VTI1A: variants seen among roughly 807,000 people sequenced by gnomAD.
The protein encoded by VTI1A is vesicle transport through interaction with t-SNAREs homolog 1A.
In VTI1A, 22 loss-of-function variants were observed where a neutral mutation model predicts 34.9. The observed-to-expected ratio is 0.63, with a 90% confidence interval of 0.45 to 0.90. The LOEUF (loss-of-function observed/expected upper bound fraction) is 0.90. VTI1A is among the 40% of genes least tolerant of loss of function. The pLI is 0.00. For synonymous variants in VTI1A, 87 were observed against 97.3 expected, an observed-to-expected ratio of 0.89 and a Z score of 0.62; for missense variants, 268 against 275.6, an observed-to-expected ratio of 0.97 and a Z score of 0.20.
chr10:112,464,984 G>A (rs1234755896), intron 3 of VTI1A, among the ~76,000 whole-genome samples: 2 of 152,212 alleles, frequency 1.3e-5, no homozygotes, highest in Non-Finnish European at 2.9e-5. Flanking sequence ...GAGGCAGCCT[G>A]TACATTTGCA....
At chr10:112,661,681 T>C (rs930420902) in intron 5 of VTI1A, among the ~76,000 whole-genome samples, 1 of 152,090 alleles carries the variant, frequency 6.6e-6, no homozygotes. Flanking sequence ...TGTTCCATTG[T>C]GTGTTTGTAT....
intron 7 of VTI1A, among the ~76,000 whole-genome samples, chr10:112,704,577 G>A (rs1403529709): frequency 6.6e-6 from 1 of 152,136 alleles, no homozygotes; most frequent in Non-Finnish European, 1.5e-5. Flanking sequence ...TCCAAATGAT[G>A]AGAAATTGAG....
intron 7 of VTI1A, among the ~76,000 whole-genome samples, chr10:112,793,210 G>A (rs1414697976): frequency 6.6e-6 from 1 of 152,200 alleles, no homozygotes; most frequent in African/African-American, 2.4e-5. Context: ...CTCGACATGA[G>A]GCAGATATCA....
rs57353012 is a variant in VTI1A, at chr10:112,525,739, T to TAAGGAAACCC, written c.265-1346_265-1345insGGAAACCCAA. Among the ~76,000 whole-genome samples, 3 of 152,168 alleles carry TAAGGAAACCC rather than the reference T, an allele frequency of 2.0e-5. No homozygotes were observed. The South Asian group carries it at 6.2e-4, about 32-fold the overall frequency. On this transcript the variant is annotated intron_variant, in intron 3 of 7. Transcript: ENST00000393077. ...AATTTTCTGTGTTTTGTGGTTAAGATAATTGGGAAAAGTTGTAACTTCAGA... is the reference window on the plus strand; with the variant it reads ...AATTTTCTGTGTTTTGTGGTTAAGATAAGGAAACCCAATTGGGAAAAGTTGTAACTTCAGA...
intron 7 of VTI1A, among the ~76,000 whole-genome samples, chr10:112,674,441 C>T (rs1023550231): frequency 1.6e-4 from 25 of 152,166 alleles, no homozygotes; most frequent in African/African-American, 5.5e-4. Flanking sequence ...CTTTGTCCTA[C>T]GACCTCTTCA....
At chr10:112,609,096 A>C (rs1226413624) in intron 5 of VTI1A, among the ~76,000 whole-genome samples, 1 of 152,210 alleles carries the variant, frequency 6.6e-6, no homozygotes, top group Non-Finnish European at 1.5e-5. Context: ...GTTATGATAA[A>C]GATTTGGTGA....
intron 7 of VTI1A, among the ~76,000 whole-genome samples, chr10:112,791,692 G>A (rs577294036): frequency 1.4e-4 from 21 of 152,196 alleles, no homozygotes; most frequent in Admixed American, 5.2e-4. Flanking sequence ...ATTTCCACAA[G>A]GTGCTTGAAG....
intron 7 of VTI1A, among the ~76,000 whole-genome samples, chr10:112,771,093 G>A (rs1851802963): frequency 6.6e-6 from 1 of 152,152 alleles, no homozygotes; most frequent in African/African-American, 2.4e-5. Flanking sequence ...GCCCTTTCTA[G>A]TGTGTAACCA....
At chr10:112,449,233 A>G (rs1484788402) in intron 1 of VTI1A, 1 of 152,214 alleles carries the variant, frequency 6.6e-6, no homozygotes, top group African/African-American at 2.4e-5. Context: ...GGTTCCAGTT[A>G]GAGTTTTACT....
intron 7 of VTI1A, among the ~76,000 whole-genome samples, chr10:112,735,096 C>T (rs993223431): frequency 6.6e-6 from 1 of 152,164 alleles, no homozygotes; most frequent in Non-Finnish European, 1.5e-5. Context: ...TAAAGCTACC[C>T]ACAGTGATTT....
At chr10:112,539,848 G>A (rs922423520) in intron 5 of VTI1A, among the ~76,000 whole-genome samples, 4 of 152,082 alleles carry the variant, frequency 2.6e-5, no homozygotes, top group Non-Finnish European at 5.9e-5. Context: ...GGTCATTGAC[G>A]ATCTACAGGC....
In VTI1A at chr10:112,751,292, AC is replaced by A. The variant is rs983808447; in HGVS notation, c.561-63994del. ...GAATGTGGTGTGTGTTTTAGCAGAG[AC>A]CCCAATGACCTGCCAGGGCACGTAG... On this transcript the variant is annotated intron_variant, in intron 7 of 7. Coordinates refer to ENST00000393077, the MANE Select transcript of VTI1A (RefSeq NM_145206.4). 5.9e-5 allele frequency among the ~76,000 whole-genome samples: 9 copies of A among 152,110 alleles called. 1 individual carries two copies. Among genetic ancestry groups the A allele is most frequent in the Admixed American group, 5.9e-4 (9 of 15,276 alleles).
chr10:112,790,653 G>A (rs567231492), intron 7 of VTI1A, among the ~76,000 whole-genome samples: 29 of 152,236 alleles, frequency 1.9e-4, no homozygotes, highest in African/African-American at 7.0e-4. Flanking sequence ...AGCCAACTAA[G>A]CTAAGGGGTG....
intron 7 of VTI1A, among the ~76,000 whole-genome samples, chr10:112,745,038 C>G (rs1238616316): frequency 6.6e-6 from 1 of 152,182 alleles, no homozygotes; most frequent in Non-Finnish European, 1.5e-5. Context: ...GCAAATACTA[C>G]AGGCACCATA....
chr10:112,841,953 G>T, the VTI1A span, among the ~76,000 whole-genome samples: 20,838 of 148,976 alleles, frequency 0.14, 1,879 homozygotes, highest in East Asian at 0.36. Context: ...GCAAGAGAAT[G>T]ATTACAAAAA....
intron 5 of VTI1A, among the ~76,000 whole-genome samples, chr10:112,598,729 G>T (rs12267640): frequency 0.09 from 13,762 of 152,222 alleles, 698 homozygotes; most frequent in Non-Finnish European, 0.11. Context: ...TATTGCTGCT[G>T]CCATTAGGTG....
chr10:112,782,406 G>A (rs1431860195), intron 7 of VTI1A, among the ~76,000 whole-genome samples: 1 of 152,240 alleles, frequency 6.6e-6, no homozygotes, highest in East Asian at 1.9e-4. Flanking sequence ...CGTCTTTTTC[G>A]GCGTGGAAGC....
chr10:112,800,179 G>A (rs949765492), intron 7 of VTI1A, among the ~76,000 whole-genome samples: 1 of 152,232 alleles, frequency 6.6e-6, no homozygotes, highest in African/African-American at 2.4e-5. Context: ...AGGCAGCCGA[G>A]TCTTCACCAA....
At chr10:112,643,728 C>G (rs1318615967) in intron 5 of VTI1A, among the ~76,000 whole-genome samples, 1 of 152,158 alleles carries the variant, frequency 6.6e-6, no homozygotes, top group Non-Finnish European at 1.5e-5. Context: ...CAGACAAAAA[C>G]TCTTTGCTTA....
Sources: gnomAD v4.1 joint callset for allele counts (sites outside exome capture counted in the v4.1 genomes callset) on GRCh38, gnomAD v4.1.1 for gene constraint, MANE v1.5 for transcripts, NCBI Gene and HGNC (gene_info 2026-07-23, HGNC 2026-07-21) for gene names.